ART1: variants seen among roughly 807,000 people sequenced by gnomAD.
ART1 encodes ADP-ribosyltransferase 1.
A neutral mutation model predicts 27.0 loss-of-function variants in ART1; 29 were observed. That is an observed-to-expected ratio of 1.08 (90% CI 0.80 to 1.47). ART1 has a LOEUF of 1.47. Ranked by LOEUF, ART1 falls within the 40% of genes most tolerant of loss-of-function variation. ART1 has a pLI of 0.00. For missense variants in ART1, 480 were observed against 423.0 expected, an observed-to-expected ratio of 1.13 and a Z score of -1.18; for synonymous variants, 201 against 172.2, an observed-to-expected ratio of 1.17 and a Z score of -1.31.
At chr11:3,660,576 G>A (rs752299466) in intron 3 of ART1, among the ~76,000 whole-genome samples, 3 of 152,192 alleles carry the variant, frequency 2.0e-5, no homozygotes, top group East Asian at 1.9e-4. Flanking sequence ...GCCATAGTTC[G>A]CCACTTGCCT....
intron 1 of ART1, among the ~76,000 whole-genome samples, chr11:3,645,635 T>C (rs2077465382): frequency 6.6e-6 from 1 of 152,138 alleles, no homozygotes; most frequent in South Asian, 2.1e-4. Context: ...TTCCTCAGAC[T>C]CTCAGCAAAC....
Position 3,659,941 on chromosome 11 carries a change from C to T in ART1, c.422C>T (p.Ser141Phe), listed in dbSNP as rs2077605557. The change falls in exon 3 of 5, where the codon TCC becomes TTC. Residue 141 changes from serine to phenylalanine, a missense_variant. Physicochemically the swap from Ser to Phe is radical, Grantham distance 155. Transcript: ENST00000250693. ...GCAGCCGTGCGTGAGGCGGGCCGCT[C>T]CCGGGCCCACTACCTCCACCACTTC... is the stretch of plus-strand genomic sequence containing the variant. Reference protein sequence around the residue: ...FNAAVREAGRSRAHYLHHFSF... With the variant: ...FNAAVREAGRFRAHYLHHFSF... 1.2e-6 allele frequency: 2 copies of T among 1,613,680 alleles called. No individual in the cohort carries two copies. The highest frequency in any genetic ancestry group is 1.7e-5 in the Admixed American group (1 of 60,024).
At chr11:3,647,098 C>T (rs939334622) in intron 1 of ART1, among the ~76,000 whole-genome samples, 6 of 151,926 alleles carry the variant, frequency 3.9e-5, no homozygotes, top group East Asian at 3.9e-4. Flanking sequence ...AGGCGGGCAG[C>T]GGATCACCTG....
chr11:3,658,377 C>A (rs1051272141), intron 1 of ART1, among the ~76,000 whole-genome samples: 2 of 151,700 alleles, frequency 1.3e-5, no homozygotes, highest in African/African-American at 4.8e-5. Context: ...AAGGAAACTG[C>A]CTGCTCCAAT....
chr11:3,661,983 G>A (rs2077625048), intron 4 of ART1, among the ~76,000 whole-genome samples: 1 of 152,236 alleles, frequency 6.6e-6, no homozygotes, highest in Admixed American at 6.5e-5. Context: ...AAAGGCCACT[G>A]ATCAGGCCCC....
At chr11:3,646,744 T>A (rs374713498) in intron 1 of ART1, among the ~76,000 whole-genome samples, 4 of 152,188 alleles carry the variant, frequency 2.6e-5, no homozygotes, top group African/African-American at 9.6e-5. Context: ...GATTGTCCAT[T>A]CTGCTACCTC....
At position 3,649,530 on chromosome 11, in the gene ART1, C is replaced by G. The variant is rs554222934; in HGVS notation, c.-53+4351C>G. ...CAACCCCAAGTGTCGCTGAGTCTTT[C>G]TAATCTTCCTTTTCTACAGACCCGT... On this transcript the variant is annotated intron_variant, in intron 1 of 4. Transcript: ENST00000250693. 7.9e-5 allele frequency among the ~76,000 whole-genome samples: 12 copies of G among 152,328 alleles called. No homozygotes were observed. In the East Asian group the frequency reaches 2.3e-3, roughly 29 times the overall value.
At chr11:3,650,515 G>A (rs573005379) in intron 1 of ART1, among the ~76,000 whole-genome samples, 7 of 152,220 alleles carry the variant, frequency 4.6e-5, no homozygotes, top group South Asian at 4.2e-4. Flanking sequence ...TAATCAATAT[G>A]GAGGCTACCC....
intron 1 of ART1, among the ~76,000 whole-genome samples, chr11:3,646,692 C>T (rs993185575): frequency 2.0e-5 from 3 of 152,180 alleles, no homozygotes; most frequent in Non-Finnish European, 4.4e-5. Flanking sequence ...GATCTCATCT[C>T]TTCCCTGATT....
At chr11:3,653,228 T>C (rs1030756468) in intron 1 of ART1, among the ~76,000 whole-genome samples, 2 of 148,762 alleles carry the variant, frequency 1.3e-5, no homozygotes, top group African/African-American at 5.2e-5. Context: ...AAGACAGGAA[T>C]GTCAGGCCTC....
intron 1 of ART1, among the ~76,000 whole-genome samples, chr11:3,652,490 C>A (rs1029166504): frequency 6.6e-6 from 1 of 152,040 alleles, no homozygotes; most frequent in Non-Finnish European, 1.5e-5. Context: ...GCTCAGCCAC[C>A]AACTTAAAAA....
intron 2 of ART1, 101 bp downstream of exon 2, chr11:3,659,377 G>A (rs900444438): frequency 7.8e-6 from 12 of 1,538,296 alleles, no homozygotes; most frequent in Non-Finnish European, 8.9e-6. Context: ...AATGCCCGAC[G>A]CTTCCCCTGG....
Position 3,664,329 on chromosome 11 carries a change from C to T in ART1, c.*140C>T, listed in dbSNP as rs775519157. On this transcript the variant is annotated 3_prime_UTR_variant, in exon 5 of 5. Transcript: ENST00000250693. Reference sequence around the variant, plus strand: ...GGACCTTCTCTGGTAGCTGCCAGACCGGCTGGTGGAGAAACAGGAGACAAT... The same window carrying T: ...GGACCTTCTCTGGTAGCTGCCAGACTGGCTGGTGGAGAAACAGGAGACAAT... 4.1e-5 allele frequency: 32 copies of T among 773,668 alleles called. No individual in the cohort carries two copies. The highest frequency in any genetic ancestry group is 1.3e-4 in the South Asian group (8 of 59,782). The allele number at this position is 773,668 out of a possible 1,614,324, so 47.9% of individuals were successfully genotyped here. A position where few individuals can be genotyped will look rare whatever the true frequency, so the allele number is the denominator to read the frequency against.
chr11:3,658,128 T>C (rs892052792), intron 1 of ART1, among the ~76,000 whole-genome samples: 2 of 150,568 alleles, frequency 1.3e-5, no homozygotes, highest in Non-Finnish European at 3.0e-5. Flanking sequence ...AGGTCAGGAG[T>C]TCGAGACCAT....
chr11:3,659,766 A>G lies in ART1; in HGVS notation c.247A>G (p.Ser83Gly). Reference sequence around the variant, plus strand: ...GTATGCAGACAGCTGGACACTGGCAAGCAGCCAATGGCAGGAGCGTCAGGC... The same window carrying G: ...GTATGCAGACAGCTGGACACTGGCAGGCAGCCAATGGCAGGAGCGTCAGGC... ...QVYADSWTLA[S>G]SQWQERQARW... The change falls in exon 3 of 5, where the codon AGC (serine) becomes GGC (glycine). Residue 83 changes from serine (S) to glycine (G), a missense_variant. Ser to Gly is a moderately conservative substitution (Grantham distance 56, BLOSUM62 0). Transcript: ENST00000250693. The G allele has an allele frequency of 6.2e-7, 1 of 1,613,732 alleles. No individual in the cohort carries two copies. The highest frequency in any genetic ancestry group is 1.3e-5 in the African/African-American group (1 of 75,056).
intron 1 of ART1, among the ~76,000 whole-genome samples, chr11:3,650,262 C>G (rs1393007876): frequency 6.6e-6 from 1 of 152,156 alleles, no homozygotes; most frequent in Non-Finnish European, 1.5e-5. Context: ...CCCAGGATTC[C>G]TCCTAAGCCG....
Position 3,661,508 on chromosome 11 carries a change from T to TTG in ART1, c.886+96_886+97insGT. The TTG allele has an allele frequency of 7.3e-6, 8 of 1,101,134 alleles. No homozygotes were observed. In the South Asian group the frequency reaches 9.5e-5, roughly 13 times the overall value. 68.2% of individuals were successfully genotyped at this position (1,101,134 alleles called of 1,614,324 possible). A position where few individuals can be genotyped will look rare whatever the true frequency, so the allele number is the denominator to read the frequency against. ...CCTCGATCTTTTTTTTTTTTTTTTT[T>TTG]TTTGAGACAGAGTTTCACTCTTGTT... On this transcript the variant is annotated intron_variant, in intron 4 of 4. Coordinates refer to ENST00000250693, the MANE Select transcript of ART1 (RefSeq NM_004314.3).
intron 1 of ART1, among the ~76,000 whole-genome samples, chr11:3,654,866 A>G (rs1194064395): frequency 1.3e-5 from 2 of 152,188 alleles, no homozygotes; most frequent in African/African-American, 2.4e-5. Context: ...TCTGCCTTCA[A>G]GCCTCTCCTC....
Position 3,660,368 on chromosome 11 carries a change from G to A in ART1, c.844+5G>A. On this transcript the variant is annotated splice_donor_5th_base_variant and intron_variant, in intron 3 of 4. Coordinates refer to ENST00000250693, the MANE Select transcript of ART1 (RefSeq NM_004314.3). ...ACAACTGCGAGTACATCAAAGGTAG[G>A]AGGGCAAGCGCTGGTCGGCACCTGT... 2 of 1,595,564 alleles carry A rather than the reference G, an allele frequency of 1.3e-6. No individual in the cohort carries two copies. Among genetic ancestry groups the A allele is most frequent in the Non-Finnish European group, 1.7e-6 (2 of 1,175,924 alleles).
Sources: gnomAD v4.1 joint callset for allele counts (sites outside exome capture counted in the v4.1 genomes callset) on GRCh38, gnomAD v4.1.1 for gene constraint, MANE v1.5 for transcripts, NCBI Gene and HGNC (gene_info 2026-07-23, HGNC 2026-07-21) for gene names.